RAD51B: variants seen among roughly 807,000 people sequenced by gnomAD.
RAD51B encodes the protein DNA repair protein RAD51 homolog 2.
A neutral mutation model predicts 42.2 loss-of-function variants in RAD51B; 38 were observed. The observed-to-expected ratio is 0.90, with a 90% CI of 0.70 to 1.18. The LOEUF (loss-of-function observed/expected upper bound fraction) is 1.18, where lower values mean the gene tolerates loss of function less well. RAD51B is among the 50% of genes most tolerant of loss of function. The pLI is 0.00. For synonymous variants in RAD51B, 154 were observed against 145.2 expected, an observed-to-expected ratio of 1.06 and a Z score of -0.43; for missense variants, 373 against 400.7, an observed-to-expected ratio of 0.93 and a Z score of 0.59.
intron 10 of RAD51B, among the ~76,000 whole-genome samples, chr14:68,470,190 C>T (rs1417077282): frequency 6.6e-6 from 1 of 152,174 alleles, no homozygotes; most frequent in Non-Finnish European, 1.5e-5. Context: ...TCAAGAACAA[C>T]AACCAGTAAA....
At chr14:67,966,582 A>G (rs1421239355) in intron 7 of RAD51B, among the ~76,000 whole-genome samples, 2 of 152,194 alleles carry the variant, frequency 1.3e-5, no homozygotes, top group Non-Finnish European at 2.9e-5. Context: ...GAAAATGACA[A>G]CTATTTTCAG....
chr14:68,405,801 G>A (rs2084255523), intron 8 of RAD51B, among the ~76,000 whole-genome samples: 1 of 121,304 alleles, frequency 8.2e-6, no homozygotes, highest in African/African-American at 3.2e-5. Flanking sequence ...TCTTCCTTTA[G>A]ACCCGAGAAA....
intron 8 of RAD51B, among the ~76,000 whole-genome samples, chr14:68,331,415 A>G (rs1475348014): frequency 2.0e-5 from 3 of 147,030 alleles, no homozygotes; most frequent in Non-Finnish European, 3.0e-5. Context: ...TGTGGTTTCA[A>G]TGGATCTATA....
intron 7 of RAD51B, among the ~76,000 whole-genome samples, chr14:67,896,705 T>C (rs965480754): frequency 1.3e-5 from 2 of 152,032 alleles, no homozygotes; most frequent in African/African-American, 4.8e-5. Flanking sequence ...TTTTCTTGAG[T>C]TTTTCAAAGA....
At chr14:68,298,853 T>G (rs1342838108) in intron 8 of RAD51B, among the ~76,000 whole-genome samples, 1 of 152,040 alleles carries the variant, frequency 6.6e-6, no homozygotes, top group Non-Finnish European at 1.5e-5. Context: ...AAGAAAAGAA[T>G]GGCTGGATTT....
At chr14:68,153,716 C>T (rs1008685281) in intron 7 of RAD51B, among the ~76,000 whole-genome samples, 6 of 151,632 alleles carry the variant, frequency 4.0e-5, no homozygotes, top group South Asian at 2.1e-4. Flanking sequence ...TTATATATGC[C>T]GGATATTAGA....
chr14:68,413,325 A>G (rs1225890719), intron 9 of RAD51B, among the ~76,000 whole-genome samples: 5 of 152,200 alleles, frequency 3.3e-5, no homozygotes. Flanking sequence ...AAGGAGAACC[A>G]GGAGCAAAGT....
intron 7 of RAD51B, among the ~76,000 whole-genome samples, chr14:68,151,874 A>T (rs1286007823): frequency 1.2e-5 from 1 of 84,300 alleles, no homozygotes; most frequent in East Asian, 4.0e-4. Flanking sequence ...ATGGAGTTTC[A>T]CTCTTGTTGC....
At chr14:68,078,273 C>G (rs1396925571) in intron 7 of RAD51B, among the ~76,000 whole-genome samples, 1 of 152,178 alleles carries the variant, frequency 6.6e-6, no homozygotes, top group Non-Finnish European at 1.5e-5. Context: ...CTCAGCCTCC[C>G]AAGTAGCTGG....
intron 10 of RAD51B, among the ~76,000 whole-genome samples, chr14:68,496,148 C>G (rs1884496342): frequency 6.6e-6 from 1 of 152,198 alleles, no homozygotes; most frequent in African/African-American, 2.4e-5. Flanking sequence ...ATTACTTAAC[C>G]TTTTTGAACC....
intron 10 of RAD51B, among the ~76,000 whole-genome samples, chr14:68,504,250 C>T (rs539661261): frequency 1.3e-5 from 2 of 152,222 alleles, no homozygotes; most frequent in African/African-American, 4.8e-5. Context: ...AAACCAAGGA[C>T]TTCATTGACA....
At chr14:68,429,514 A>G (rs1388655951) in intron 9 of RAD51B, among the ~76,000 whole-genome samples, 1 of 152,230 alleles carries the variant, frequency 6.6e-6, no homozygotes. Flanking sequence ...AGTGGTAATG[A>G]GCATTTTTTC....
intron 9 of RAD51B, among the ~76,000 whole-genome samples, chr14:68,434,837 A>C (rs944118006): frequency 6.6e-6 from 1 of 152,174 alleles, no homozygotes; most frequent in Non-Finnish European, 1.5e-5. Flanking sequence ...TGCATTGCTC[A>C]TGCTGGGAGC....
chr14:68,103,081 C>T (rs1335899353), intron 7 of RAD51B, among the ~76,000 whole-genome samples: 1 of 152,152 alleles, frequency 6.6e-6, no homozygotes, highest in Non-Finnish European at 1.5e-5. Context: ...GATGCAGTTA[C>T]CTCCCACTGG....
chr14:68,338,577 G>T (rs2082505046), intron 8 of RAD51B, among the ~76,000 whole-genome samples: 1 of 152,176 alleles, frequency 6.6e-6, no homozygotes, highest in Admixed American at 6.5e-5. Flanking sequence ...AAACATGGCT[G>T]CCAAGGGCCC....
chr14:67,880,382 A>C (rs1255112094), intron 5 of RAD51B, among the ~76,000 whole-genome samples: 1 of 152,206 alleles, frequency 6.6e-6, no homozygotes, highest in Non-Finnish European at 1.5e-5. Context: ...CCCATGGAAA[A>C]AGTGACTTCT....
intron 8 of RAD51B, among the ~76,000 whole-genome samples, chr14:68,346,138 A>G (rs2082672837): frequency 6.6e-6 from 1 of 152,198 alleles, no homozygotes; most frequent in South Asian, 2.1e-4. Context: ...TGTTTTTTAT[A>G]TTACATATTT....
chr14:68,600,305 C>T (rs761209085), downstream of RAD51B, among the ~76,000 whole-genome samples: 1 of 152,184 alleles, frequency 6.6e-6, no homozygotes, highest in African/African-American at 2.4e-5. Context: ...GGACTGGGCC[C>T]GTCATGTAAT....
At chr14:68,425,063 C>T (rs983101049) in intron 9 of RAD51B, among the ~76,000 whole-genome samples, 1 of 152,240 alleles carries the variant, frequency 6.6e-6, no homozygotes, top group Non-Finnish European at 1.5e-5. Context: ...GCATGAGCCA[C>T]AGCACCTGGC....
Sources: gnomAD v4.1 joint callset for allele counts (sites outside exome capture counted in the v4.1 genomes callset) on GRCh38, gnomAD v4.1.1 for gene constraint, MANE v1.5 for transcripts, NCBI Gene and HGNC (gene_info 2026-07-23, HGNC 2026-07-21) for gene names.